Variants in MBD6 observed in about 807,000 individuals in gnomAD.
The protein encoded by MBD6 is methyl-CpG binding domain protein 6.
In MBD6, 22 loss-of-function variants were observed where a neutral mutation model predicts 66.8. The observed-to-expected ratio is 0.33, with a 90% CI of 0.24 to 0.47. The LOEUF is 0.47. MBD6 is among the 20% of genes least tolerant of loss of function. MBD6 has a pLI of 1.00. For synonymous variants in MBD6, 540 were observed against 534.6 expected, an observed-to-expected ratio of 1.01 and a Z score of -0.14; for missense variants, 1,322 against 1,286.9, an observed-to-expected ratio of 1.03 and a Z score of -0.42.
chr12:57,522,405 A>C (rs1878413943), upstream of MBD6, among the ~76,000 whole-genome samples: 1 of 152,014 alleles, frequency 6.6e-6, no homozygotes, highest in African/African-American at 2.4e-5. Flanking sequence ...GGGGCAGGGC[A>C]AGTCGCGACT....
intron 5 of MBD6, 85 bp downstream of exon 5, chr12:57,525,200 G>A (rs1878785867): frequency 6.5e-7 from 1 of 1,537,932 alleles, no homozygotes; most frequent in African/African-American, 1.4e-5. Flanking sequence ...TTGAGAGGGA[G>A]CAAAGAGAAA....
downstream of MBD6, among the ~76,000 whole-genome samples, chr12:57,531,239 C>T (rs1189139303): frequency 6.6e-5 from 10 of 152,070 alleles, no homozygotes; most frequent in Admixed American, 2.0e-4. Context: ...TTGGGACTTG[C>T]GGCCAGGTGC....
downstream of MBD6, among the ~76,000 whole-genome samples, chr12:57,531,507 ACT>A (rs1386485930): frequency 3.3e-5 from 5 of 152,108 alleles, no homozygotes; most frequent in African/African-American, 7.2e-5. Context: ...ACAGAGCGAG[ACT>A]CTGTCTTAAA....
chr12:57,524,852 C>T, intron 4 of MBD6, 30 bp downstream of exon 4: 4 of 1,613,474 alleles, frequency 2.5e-6, no homozygotes, highest in South Asian at 1.1e-5. Flanking sequence ...CCTGAGAGTA[C>T]AGAGATAAGC....
chr12:57,527,462 G>C lies in MBD6; in HGVS notation c.2083-45G>C, dbSNP rs754424083. 2.2e-5 allele frequency: 35 copies of C among 1,601,906 alleles called. 1 individual carries two copies. In the Admixed American group the frequency reaches 5.7e-4, roughly 26 times the overall value. On this transcript the variant is annotated intron_variant, in intron 7 of 12. Coordinates refer to ENST00000355673, the MANE Select transcript of MBD6 (RefSeq NM_052897.4). ...GATGTGAAAGCACTATAAATCTGTT[G>C]AGTATTTTACACGCGTAAGTGTTAG...
rs747099637 is a variant in MBD6, at chr12:57,528,543, C to T, written c.2803C>T (p.His935Tyr). 1 of 1,610,820 alleles carries T rather than the reference C, an allele frequency of 6.2e-7. No individual in the cohort carries two copies. Among genetic ancestry groups the T allele is most frequent in the South Asian group, 1.1e-5 (1 of 90,750 alleles). ...CAAGGATCCACCCCCTCCCGGGCCCCATTCTGAGGACCTTAAGGTGAGTGC... is the reference window on the plus strand; with the variant it reads ...CAAGGATCCACCCCCTCCCGGGCCCTATTCTGAGGACCTTAAGGTGAGTGC... ...EPKDPPPPGPHSEDLKVPPGV... is the reference protein window; with the variant it reads ...EPKDPPPPGPYSEDLKVPPGV... Residue 935 changes from histidine to tyrosine, a missense_variant, in exon 10 of 13, where the codon CAT (histidine) becomes TAT (tyrosine). By Grantham distance (83) the His-to-Tyr change is moderately conservative. Coordinates refer to ENST00000355673, the MANE Select transcript of MBD6 (RefSeq NM_052897.4).
chr12:57,524,330 A>G lies in MBD6; in HGVS notation c.27A>G (p.Gly9=). 6.3e-7 allele frequency: 1 copy of G among 1,579,046 alleles called. No homozygotes were observed. Among genetic ancestry groups the G allele is most frequent in the Admixed American group, 2.0e-5 (1 of 51,206 alleles). ...TGAATGGGGGCAATGAGAGCAGTGG[A>G]GCAGACAGAGCTGGGGGCCCTGTGG... MNGGNESS[G]ADRAGGPVAT... is the part of the protein sequence containing the mutation. The change falls in exon 3 of 13, where the codon GGA becomes GGG. Residue 9 remains glycine (G), a synonymous_variant. Coordinates refer to ENST00000355673, the MANE Select transcript of MBD6 (RefSeq NM_052897.4).
chr12:57,531,203 A>G (rs1037806527), downstream of MBD6, among the ~76,000 whole-genome samples: 2 of 152,182 alleles, frequency 1.3e-5, no homozygotes, highest in South Asian at 2.1e-4. Context: ...TCCTTCCAGC[A>G]CTGAGAACAG....
Position 57,522,980 on chromosome 12 carries a change from G to C in MBD6, c.-120G>C. 1 of 128,166 alleles carries C rather than the reference G, an allele frequency of 7.8e-6. No individual in the cohort carries two copies. Among genetic ancestry groups the C allele is most frequent in the South Asian group, 2.5e-4 (1 of 3,930 alleles). The allele number at this position is 128,166 out of a possible 1,614,324, so 7.9% of individuals were successfully genotyped here. A position where few individuals can be genotyped will look rare whatever the true frequency, so the allele number is the denominator to read the frequency against. ...CACTCACCCTCTGGGCCGCGACTGC[G>C]CAGGGCGGGGCCGGCCGAACCATGG... is the stretch of plus-strand genomic sequence containing the variant. On this transcript the variant is annotated 5_prime_UTR_variant, in exon 1 of 13. Coordinates refer to ENST00000355673, the MANE Select transcript of MBD6 (RefSeq NM_052897.4).
chr12:57,524,665 A>G (rs1246365868), intron 3 of MBD6, 55 bp from the exon 4 acceptor site: 1 of 1,499,880 alleles, frequency 6.7e-7, no homozygotes, highest in Non-Finnish European at 9.3e-7. Flanking sequence ...CTTTAGGAGT[A>G]TTGCCTGATT....
chr12:57,527,481 G>GTGTTAGAATCA, intron 7 of MBD6, 26 bp from the exon 8 acceptor site: 1 of 1,613,158 alleles, frequency 6.2e-7, no homozygotes, highest in Non-Finnish European at 8.5e-7. Context: ...ACACGCGTAA[G>GTGTTAGAATCA]TGTTAGAATC....
At chr12:57,524,444 C>G in intron 3 of MBD6, 28 bp downstream of exon 3, 1 of 1,538,768 alleles carries the variant, frequency 6.5e-7, no homozygotes, top group Non-Finnish European at 8.8e-7. Context: ...TCCCCAAGCT[C>G]TGCCACTCCA....
At chr12:57,523,826 A>C (rs1203731439) in intron 1 of MBD6, among the ~76,000 whole-genome samples, 4 of 152,208 alleles carry the variant, frequency 2.6e-5, no homozygotes, top group African/African-American at 9.7e-5. Context: ...TCTTGGTCCC[A>C]GGGAGCTGAG....
chr12:57,528,589 T>C, intron 10 of MBD6, 29 bp downstream of exon 10: 1 of 1,612,118 alleles, frequency 6.2e-7, no homozygotes, highest in Non-Finnish European at 8.5e-7. Context: ...TAGTCTGGGC[T>C]CAGGGGCTCT....
rs1003855476 is a variant in MBD6, at chr12:57,526,130, C to T, written c.1162C>T (p.Arg388Cys). ...GRGPQTPRRS[R>C]PRAPAPVPQP... is the part of the protein sequence containing the mutation. ...AGGCCCTCAAACCCCTAGACGGAGC[C>T]GTCCTCGGGCCCCTGCTCCTGTCCC... is the stretch of plus-strand genomic sequence containing the variant. The change falls in exon 6 of 13, where the codon CGT (arginine) becomes TGT (cysteine). Residue 388 changes from arginine to cysteine, a missense_variant. Physicochemically the swap from Arg to Cys is radical, Grantham distance 180. Coordinates refer to ENST00000355673, the MANE Select transcript of MBD6 (RefSeq NM_052897.4). The T allele has an allele frequency of 1.4e-5, 23 of 1,613,922 alleles. 1 individual carries two copies. Among genetic ancestry groups the T allele is most frequent in the Non-Finnish European group, 1.5e-5 (18 of 1,180,010 alleles).
chr12:57,523,514 C>T (rs1309172244), intron 1 of MBD6, among the ~76,000 whole-genome samples: 1 of 152,294 alleles, frequency 6.6e-6, no homozygotes, highest in Non-Finnish European at 1.5e-5. Context: ...GAAGACTGAG[C>T]TGTGATCCTC....
rs1334120785 is a variant in MBD6, at chr12:57,528,190, G to A, written c.2450G>A (p.Ser817Asn). Residue 817 changes from serine (S) to asparagine (N), a missense_variant, in exon 10 of 13, where the codon AGC (serine) becomes AAC (asparagine). Physicochemically the swap from Ser to Asn is conservative, Grantham distance 46. Transcript: ENST00000355673. ...QPEAPCLPPE[S>N]PASALEPEPA... Reference sequence around the variant, plus strand: ...GAAGCCCCCTGTCTACCCCCCGAGAGCCCTGCCTCAGCCCTCGAACCAGAG... The same window carrying A: ...GAAGCCCCCTGTCTACCCCCCGAGAACCCTGCCTCAGCCCTCGAACCAGAG... 20 of 1,611,408 alleles carry A rather than the reference G, an allele frequency of 1.2e-5. No homozygotes were observed. Among genetic ancestry groups the A allele is most frequent in the Non-Finnish European group, 1.7e-5 (20 of 1,179,218 alleles).
chr12:57,527,885 C>G lies in MBD6; in HGVS notation c.2274C>G (p.Leu758=), dbSNP rs750078590. The stretch of plus-strand genomic sequence containing the variant: ...CACTGACCAGCAGCCCTGGAGCCCT[C>G]CCCAGCCTGTTGCAGCCTCCTGGCC... ...LSSLTSSPGA[L]PSLLQPPGPL... The change falls in exon 9 of 13, where the codon CTC becomes CTG. Residue 758 remains leucine (L), a synonymous_variant. Coordinates refer to ENST00000355673, the MANE Select transcript of MBD6 (RefSeq NM_052897.4). 6.2e-7 allele frequency: 1 copy of G among 1,613,876 alleles called. No individual in the cohort carries two copies.
At position 57,526,554 on chromosome 12, in the gene MBD6, C is replaced by T. The variant is rs373141343; in HGVS notation, c.1421-12C>T. The T allele has an allele frequency of 2.2e-5, 34 of 1,511,126 alleles. No homozygotes were observed. The highest frequency in any genetic ancestry group is 7.0e-5 in the African/African-American group (5 of 71,520). 93.6% of individuals were successfully genotyped at this position (1,511,126 alleles called of 1,614,324 possible). ...GGCCTCCCTTGAGCTGAATTTCTCT[C>T]CTCTTTTACAGGTGCCCCTGCCCCA... On this transcript the variant is annotated splice_polypyrimidine_tract_variant and intron_variant, in intron 6 of 12. Transcript: ENST00000355673.
Sources: allele counts gnomAD v4.1 joint callset (sites outside exome capture counted in the v4.1 genomes callset), GRCh38; gene constraint gnomAD v4.1.1; transcripts MANE v1.5; gene names NCBI Gene and HGNC (gene_info 2026-07-23, HGNC 2026-07-21).